SYN3: variants seen among roughly 807,000 people sequenced by gnomAD.
SYN3 encodes synapsin-3.
Under a neutral mutation model 65.8 loss-of-function variants are expected in SYN3, and 35 were observed. The ratio of observed to expected loss-of-function variants is 0.53; its 90% CI spans 0.41 to 0.70. SYN3 has a LOEUF of 0.70. Ranked by LOEUF, SYN3 falls within the 30% of genes least tolerant of loss-of-function variation. The pLI is 0.00. For missense variants in SYN3, 680 were observed against 749.0 expected, an observed-to-expected ratio of 0.91 and a Z score of 1.08; for synonymous variants, 270 against 292.9, an observed-to-expected ratio of 0.92 and a Z score of 0.80.
intron 6 of SYN3, among the ~76,000 whole-genome samples, chr22:32,708,073 T>G (rs1399243091): frequency 2.0e-5 from 3 of 152,184 alleles, no homozygotes; most frequent in African/African-American, 7.2e-5. Context: ...ATCTGACAGT[T>G]GGATTATTAG....
intron 6 of SYN3, among the ~76,000 whole-genome samples, chr22:32,715,385 T>C (rs982811439): frequency 7.2e-5 from 11 of 152,238 alleles, no homozygotes; most frequent in Non-Finnish European, 1.2e-4. Flanking sequence ...TGACATCCTA[T>C]GGCACTGGTG....
rs374833085 is a variant in SYN3 at position 32,676,031 on chromosome 22, A to G, written c.712-79295T>C. On this transcript the variant is annotated intron_variant, in intron 6 of 13. Coordinates refer to ENST00000358763, the MANE Select transcript of SYN3 (RefSeq NM_003490.4). ...GTCAATCCCCTATCCAGTGGTCCAGAGCACTCTTCCAGCCCCAGGATGAAC... is the reference window on the plus strand; with the variant it reads ...GTCAATCCCCTATCCAGTGGTCCAGGGCACTCTTCCAGCCCCAGGATGAAC... Among the ~76,000 whole-genome samples, 413 of 151,556 alleles carry G rather than the reference A, an allele frequency of 2.7e-3. 1 individual carries two copies. Among genetic ancestry groups the G allele is most frequent in the African/African-American group, 9.2e-3 (383 of 41,536 alleles).
At chr22:32,672,271 G>A (rs1387407819) in intron 6 of SYN3, among the ~76,000 whole-genome samples, 1 of 152,098 alleles carries the variant, frequency 6.6e-6, no homozygotes, top group African/African-American at 2.4e-5. Context: ...ATACAGTACT[G>A]ATCCATCTTT....
At position 32,512,824 on chromosome 22, in the gene SYN3, C is replaced by T. The variant is rs1355596295; in HGVS notation, c.*868G>A. 2 of 152,192 alleles carry T rather than the reference C, an allele frequency of 1.3e-5. No homozygotes were observed. Among genetic ancestry groups the T allele is most frequent in the African/African-American group, 2.4e-5 (1 of 41,448 alleles). The allele number at this position is 152,192 out of a possible 1,614,324, so 9.4% of individuals were successfully genotyped here. On this transcript the variant is annotated 3_prime_UTR_variant, in exon 14 of 14. Transcript: ENST00000358763. Reference sequence around the variant, plus strand: ...TCCCAACAGATCCATAAAAAGGAAACGGCATTCCTGGTGGGAGGCCAGAGA... The same window carrying T: ...TCCCAACAGATCCATAAAAAGGAAATGGCATTCCTGGTGGGAGGCCAGAGA...
chr22:32,604,115 G>A (rs1019203834), intron 6 of SYN3, among the ~76,000 whole-genome samples: 1 of 152,178 alleles, frequency 6.6e-6, no homozygotes. Context: ...AGAGTGGCCC[G>A]GACAGCCTCC....
chr22:33,011,520 T>C (rs1325392755), intron 1 of SYN3, among the ~76,000 whole-genome samples: 1 of 152,136 alleles, frequency 6.6e-6, no homozygotes, highest in East Asian at 1.9e-4. Context: ...CAAAAAAACA[T>C]TGGTCTGTGG....
At chr22:32,750,550 T>TA (rs1192576235) in intron 6 of SYN3, among the ~76,000 whole-genome samples, 1 of 152,080 alleles carries the variant, frequency 6.6e-6, no homozygotes, top group East Asian at 1.9e-4. Context: ...GGCAATGACT[T>TA]AGACTCTTTG....
At chr22:33,012,450 T>G (rs530617314) in intron 1 of SYN3, among the ~76,000 whole-genome samples, 1 of 152,246 alleles carries the variant, frequency 6.6e-6, no homozygotes, top group South Asian at 2.1e-4. Context: ...ATGTTCCAGA[T>G]GCACTTGGAA....
At chr22:32,995,656 G>T (rs915850907) in intron 2 of SYN3, among the ~76,000 whole-genome samples, 30 of 151,506 alleles carry the variant, frequency 2.0e-4, no homozygotes, top group Admixed American at 6.6e-4. Flanking sequence ...GGTCAAAGCA[G>T]ACTGAAGCTG....
intron 6 of SYN3, chr22:32,849,430 T>C: frequency 6.2e-7 from 1 of 1,611,210 alleles, no homozygotes. Flanking sequence ...TAACCTCTTA[T>C]TGTCTCCTTC....
At chr22:32,671,375 C>T (rs1183946356) in intron 6 of SYN3, among the ~76,000 whole-genome samples, 3 of 151,992 alleles carry the variant, frequency 2.0e-5, no homozygotes, top group African/African-American at 7.3e-5. Context: ...CTCACACTCA[C>T]CTGCACACTC....
At chr22:33,010,058 C>T (rs1280149653) in intron 1 of SYN3, among the ~76,000 whole-genome samples, 1 of 151,946 alleles carries the variant, frequency 6.6e-6, no homozygotes, top group Non-Finnish European at 1.5e-5. Flanking sequence ...CATGGAGAAA[C>T]CCCGTCTCTA....
At chr22:33,017,225 G>T (rs1337014583) in intron 1 of SYN3, among the ~76,000 whole-genome samples, 1 of 152,058 alleles carries the variant, frequency 6.6e-6, no homozygotes, top group Non-Finnish European at 1.5e-5. Context: ...TAAGTGTGTG[G>T]GTTTATTTCT....
At chr22:32,714,781 T>C (rs1227133363) in intron 6 of SYN3, among the ~76,000 whole-genome samples, 1 of 152,212 alleles carries the variant, frequency 6.6e-6, no homozygotes, top group Non-Finnish European at 1.5e-5. Flanking sequence ...AAAAATTCTT[T>C]GATCTTTTGT....
intron 6 of SYN3, among the ~76,000 whole-genome samples, chr22:32,808,833 T>A (rs2046835143): frequency 6.6e-6 from 1 of 152,200 alleles, no homozygotes; most frequent in South Asian, 2.1e-4. Context: ...CAAAGCTGCA[T>A]GGGAAACTCC....
chr22:32,740,273 G>A (rs1172829332), intron 6 of SYN3, among the ~76,000 whole-genome samples: 1 of 152,196 alleles, frequency 6.6e-6, no homozygotes, highest in Admixed American at 6.5e-5. Flanking sequence ...GCTAAACTGG[G>A]CCCGAGAGGT....
At chr22:32,572,438 C>CCCTCCCTCCTTTCCTTCCTTCCTT (rs1569051929) in intron 7 of SYN3, among the ~76,000 whole-genome samples, 2 of 121,878 alleles carry the variant, frequency 1.6e-5, no homozygotes, top group Non-Finnish European at 3.4e-5. Flanking sequence ...TTCCTTCCTT[C>CCCTCCCTCCTTTCCTTCCTTCCTT]CCTCCTTCCT....
At chr22:32,521,595 C>T (rs977127204) in intron 12 of SYN3, among the ~76,000 whole-genome samples, 4 of 151,878 alleles carry the variant, frequency 2.6e-5, no homozygotes, top group East Asian at 1.9e-4. Flanking sequence ...TACAGGCGTC[C>T]GCCACCACGC....
In SYN3 at chr22:32,546,980, GTT is replaced by G. The variant is rs571571804; in HGVS notation, c.775-5269_775-5268del. Among the ~76,000 whole-genome samples, 107 of 150,514 alleles carry G rather than the reference GTT, an allele frequency of 7.1e-4. 1 individual carries two copies. Among genetic ancestry groups the G allele is most frequent in the African/African-American group, 2.6e-3 (106 of 40,864 alleles). On this transcript the variant is annotated intron_variant, in intron 7 of 13. Transcript: ENST00000358763. ...CTTGCCTTCTCTCTTACTCTGTTTT[GTT>G]TTTTTGTTGATGTTGAGACAGAGTC...
Sources: allele counts gnomAD v4.1 joint callset (sites outside exome capture counted in the v4.1 genomes callset), GRCh38; gene constraint gnomAD v4.1.1; transcripts MANE v1.5; gene names NCBI Gene and HGNC (gene_info 2026-07-23, HGNC 2026-07-21).